RAD54L2: variants seen among roughly 807,000 people sequenced by gnomAD.
RAD54L2 encodes the protein RAD54 like 2.
RAD54L2 carries 27 observed loss-of-function variants against 138.4 expected under a neutral mutation model. That is an observed-to-expected ratio of 0.20 (90% CI 0.14 to 0.27). The LOEUF (loss-of-function observed/expected upper bound fraction) is 0.27. Ranked by LOEUF, RAD54L2 falls within the 10% of genes least tolerant of loss-of-function variation. The pLI is 1.00. For missense variants in RAD54L2, 1,396 were observed against 1,890.2 expected, an observed-to-expected ratio of 0.74 and a Z score of 4.85; for synonymous variants, 644 against 723.2, an observed-to-expected ratio of 0.89 and a Z score of 1.76.
chr3:51,547,880 A>ACTTT (rs1213713398), intron 2 of RAD54L2, among the ~76,000 whole-genome samples: 1 of 151,784 alleles, frequency 6.6e-6, no homozygotes, highest in Admixed American at 6.6e-5. Flanking sequence ...CCTATAAAAT[A>ACTTT]CTTTCTTTCT....
chr3:51,654,433 G>A (rs574854792), intron 19 of RAD54L2, among the ~76,000 whole-genome samples: 6 of 152,290 alleles, frequency 3.9e-5, no homozygotes, highest in Admixed American at 3.3e-4. Flanking sequence ...CATACCTGTA[G>A]TCCCAGCCTC....
rs868949524 is a variant in RAD54L2, at chr3:51,548,952, T to C, written c.-55+7302T>C. On this transcript the variant is annotated intron_variant, in intron 2 of 22. Coordinates refer to ENST00000684192, the MANE Select transcript of RAD54L2 (RefSeq NM_015106.4). ...AACGATTCTGCCTCAGCCTCTCAAG[T>C]AGCTGGGATTACAGGTGCAGGCCAC... 6.6e-5 allele frequency among the ~76,000 whole-genome samples: 10 copies of C among 151,334 alleles called. 1 individual carries two copies. In the South Asian group the frequency reaches 2.1e-3, roughly 31 times the overall value.
At chr3:51,553,479 A>T (rs1698893334) in intron 2 of RAD54L2, among the ~76,000 whole-genome samples, 1 of 152,216 alleles carries the variant, frequency 6.6e-6, no homozygotes, top group Non-Finnish European at 1.5e-5. Context: ...AATAAAGCAA[A>T]TATTGCAATA....
intron 7 of RAD54L2, among the ~76,000 whole-genome samples, chr3:51,632,388 G>A (rs1381005758): frequency 6.6e-6 from 1 of 152,004 alleles, no homozygotes; most frequent in Non-Finnish European, 1.5e-5. Context: ...CCGCCTCCCA[G>A]GCTCAAGCGA....
At chr3:51,548,052 C>T (rs911994812) in intron 2 of RAD54L2, among the ~76,000 whole-genome samples, 12 of 32,880 alleles carry the variant, frequency 3.6e-4, no homozygotes, top group Middle Eastern at 0.024. Flanking sequence ...CCACCACACT[C>T]GGTTAATTTT....
chr3:51,566,959 GTTGTC>G (rs1235013603), intron 2 of RAD54L2, among the ~76,000 whole-genome samples: 2 of 152,106 alleles, frequency 1.3e-5, no homozygotes, highest in African/African-American at 4.8e-5. Flanking sequence ...CAGCTTTTAT[GTTGTC>G]TTCTGTATTG....
Position 51,584,383 on chromosome 3 carries a change from G to A in RAD54L2, c.-54-5984G>A, listed in dbSNP as rs142950132. Among the ~76,000 whole-genome samples, 203 of 152,154 alleles carry A rather than the reference G, an allele frequency of 1.3e-3. 1 individual carries two copies. The highest frequency in any genetic ancestry group is 4.6e-3 in the African/African-American group (193 of 41,518). ...TTTCCAAGTAAAATGTTGAGCTGTT[G>A]TGTCAGTTTAGCTCTGTGGCTGCTT... On this transcript the variant is annotated intron_variant, in intron 2 of 22. Transcript: ENST00000684192.
chr3:51,570,925 G>A (rs1699325393), intron 2 of RAD54L2, among the ~76,000 whole-genome samples: 1 of 151,888 alleles, frequency 6.6e-6, no homozygotes, highest in African/African-American at 2.4e-5. Context: ...GGGTTCAAGC[G>A]ATTTTCTTGC....
Position 51,660,055 on chromosome 3 carries a change from A to G in RAD54L2, c.3346A>G (p.Ile1116Val). ...GTACATCCGTACCAGTGATGGACGG[A>G]TCTTTGCTGTCCGGGCAACTGGCAA... ...GTYIRTSDGR[I>V]FAVRATGKPK... Residue 1116 changes from isoleucine (I) to valine (V), a missense_variant, in exon 22 of 23, where the codon ATC (isoleucine) becomes GTC (valine). This residue lies in a region of RAD54L2 where 634 missense variants were observed against 711.2 expected (regional missense o/e 0.89). Coordinates refer to ENST00000684192, the MANE Select transcript of RAD54L2 (RefSeq NM_015106.4). 2 of 1,598,648 alleles carry G rather than the reference A, an allele frequency of 1.3e-6. No homozygotes were observed. Among genetic ancestry groups the G allele is most frequent in the Non-Finnish European group, 1.7e-6 (2 of 1,167,348 alleles).
intron 3 of RAD54L2, among the ~76,000 whole-genome samples, chr3:51,618,762 G>A (rs139083889): frequency 2.6e-5 from 4 of 152,150 alleles, no homozygotes; most frequent in Non-Finnish European, 5.9e-5. Context: ...ACAAGAATGT[G>A]AGTTACTGTG....
In RAD54L2 at chr3:51,657,576, C is replaced by T; in HGVS notation, c.3227-4C>T. ...TCTAAATTTAAGATCTGTGTTTTTC[C>T]TAGATATTGTTATTCCTGGACTCAA... On this transcript the variant is annotated splice_polypyrimidine_tract_variant and splice_region_variant and intron_variant, in intron 20 of 22. Transcript: ENST00000684192. 1.9e-6 allele frequency: 3 copies of T among 1,548,174 alleles called. No individual in the cohort carries two copies. The South Asian group carries it at 3.5e-5, about 18-fold the overall frequency.
intron 2 of RAD54L2, among the ~76,000 whole-genome samples, chr3:51,578,566 T>TTTGAAG (rs1699534193): frequency 6.6e-6 from 1 of 152,174 alleles, no homozygotes; most frequent in Admixed American, 6.5e-5. Flanking sequence ...CTTGACCCCC[T>TTTGAAG]CATGGGTGGG....
At chr3:51,550,736 T>C (rs938849906) in intron 2 of RAD54L2, among the ~76,000 whole-genome samples, 4 of 152,124 alleles carry the variant, frequency 2.6e-5, no homozygotes, top group Non-Finnish European at 5.9e-5. Flanking sequence ...AGTAAGATCC[T>C]GTCTCTAAAA....
At position 51,660,037 on chromosome 3, in the gene RAD54L2, C is replaced by T. The variant is rs779824724; in HGVS notation, c.3328C>T (p.Arg1110Cys). The T allele has an allele frequency of 4.4e-6, 7 of 1,582,972 alleles. No homozygotes were observed. Among genetic ancestry groups the T allele is most frequent in the Admixed American group, 3.4e-5 (2 of 59,436 alleles). Residue 1110 changes from arginine to cysteine, a missense_variant, in exon 22 of 23, where the codon CGT (arginine) becomes TGT (cysteine). By Grantham distance (180) the Arg-to-Cys change is radical. Transcript: ENST00000684192. ...IIRGTKGTYIRTSDGRIFAVR... is the reference protein window; with the variant it reads ...IIRGTKGTYICTSDGRIFAVR... ...GTGTCTATTCTTAGGGACGTACATCCGTACCAGTGATGGACGGATCTTTGC... is the reference window on the plus strand; with the variant it reads ...GTGTCTATTCTTAGGGACGTACATCTGTACCAGTGATGGACGGATCTTTGC...
chr3:51,581,559 A>G (rs148043052), intron 2 of RAD54L2, among the ~76,000 whole-genome samples: 1,627 of 152,286 alleles, frequency 0.011, 18 homozygotes, highest in Non-Finnish European at 0.017. Context: ...TCATGCGGCT[A>G]TGAAGGGCAA....
intron 2 of RAD54L2, among the ~76,000 whole-genome samples, chr3:51,582,303 CACAA>C (rs757283209): frequency 2.6e-5 from 4 of 152,192 alleles, no homozygotes; most frequent in Non-Finnish European, 5.9e-5. Context: ...GAAACACACA[CACAA>C]ACAAAGCCTT....
chr3:51,598,141 A>G (rs527649363), intron 3 of RAD54L2, among the ~76,000 whole-genome samples: 166 of 137,532 alleles, frequency 1.2e-3, no homozygotes, highest in African/African-American at 3.8e-3. Context: ...ATATGTGTGT[A>G]TATATATATG....
Position 51,638,875 on chromosome 3 carries a change from T to A in RAD54L2, c.1861-544T>A, listed in dbSNP as rs2106813355. 6.3e-6 allele frequency: 1 copy of A among 158,222 alleles called. No individual in the cohort carries two copies. Among genetic ancestry groups the A allele is most frequent in the South Asian group, 1.9e-4 (1 of 5,266 alleles). The allele number at this position is 158,222 out of a possible 1,614,324, so 9.8% of individuals were successfully genotyped here. A position where few individuals can be genotyped will look rare whatever the true frequency, so the allele number is the denominator to read the frequency against. On this transcript the variant is annotated intron_variant, in intron 12 of 22. Coordinates refer to ENST00000684192, the MANE Select transcript of RAD54L2 (RefSeq NM_015106.4). The surrounding 1 kb of genome is among the most constrained non-coding windows in gnomAD (Gnocchi z 4.3). ...GGGACAAGAGGGGTTTCCAAATATT[T>A]CTTTTATAGCCACAGTCCTGGGTCA...
intron 3 of RAD54L2, among the ~76,000 whole-genome samples, chr3:51,605,643 G>C (rs981184795): frequency 6.6e-6 from 1 of 151,678 alleles, no homozygotes; most frequent in Admixed American, 6.6e-5. Context: ...GTAGAGACAG[G>C]GTTTCACCAT....
Sources: gnomAD v4.1 joint callset for allele counts (sites outside exome capture counted in the v4.1 genomes callset) on GRCh38, gnomAD v4.1.1 for gene constraint, gnomAD v4.1.1 regional missense constraint, Gnocchi (gnomAD v3.1) non-coding constraint, MANE v1.5 for transcripts, NCBI Gene and HGNC (gene_info 2026-07-23, HGNC 2026-07-21) for gene names.